The following C11orf24 variants were observed in gnomAD, a reference collection of about 807,000 sequenced individuals.
The protein encoded by C11orf24 is uncharacterized protein C11orf24.
A neutral mutation model predicts 7.3 loss-of-function variants in C11orf24; 5 were observed. The observed-to-expected ratio is 0.69, with a 90% confidence interval of 0.36 to 1.45. The LOEUF (loss-of-function observed/expected upper bound fraction) is 1.45, where lower values mean the gene tolerates loss of function less well. C11orf24 is among the 40% of genes most tolerant of loss of function. The pLI is 0.03. For synonymous variants in C11orf24, 233 were observed against 235.7 expected (o/e 0.99, Z 0.11); for missense variants, 566 against 590.5 (o/e 0.96, Z 0.43).
intron 2 of C11orf24, among the ~76,000 whole-genome samples, chr11:68,264,617 TCCATCCAC>T (rs2098563906): frequency 5.0e-5 from 7 of 138,978 alleles, no homozygotes; most frequent in Non-Finnish European, 7.8e-5. Flanking sequence ...CATCCATCCA[TCCATCCAC>T]CCATCCATCC....
chr11:68,270,726 C>G (rs914943460), intron 1 of C11orf24, among the ~76,000 whole-genome samples: 1 of 152,110 alleles, frequency 6.6e-6, no homozygotes, highest in African/African-American at 2.4e-5. Context: ...CTCACTCAGC[C>G]GCAACATGGC....
At chr11:68,269,547 T>C (rs912308677) in intron 1 of C11orf24, among the ~76,000 whole-genome samples, 1 of 152,212 alleles carries the variant, frequency 6.6e-6, no homozygotes, top group Non-Finnish European at 1.5e-5. Context: ...CACACATACA[T>C]GCACTTAGTC....
chr11:68,261,531 T>G lies in C11orf24; in HGVS notation c.*114A>C. On this transcript the variant is annotated 3_prime_UTR_variant, in exon 4 of 4. Transcript: ENST00000304271. ...GACAGCAATTAAATGTGTTTAAGCATCTGGCATATCTCCTCAATTGCACCA... is the reference window on the plus strand; with the variant it reads ...GACAGCAATTAAATGTGTTTAAGCAGCTGGCATATCTCCTCAATTGCACCA... 1 of 823,860 alleles carries G rather than the reference T, an allele frequency of 1.2e-6. No individual in the cohort carries two copies. Among genetic ancestry groups the G allele is most frequent in the Non-Finnish European group, 1.9e-6 (1 of 520,960 alleles). The allele number at this position is 823,860 out of a possible 1,614,324, so 51.0% of individuals were successfully genotyped here.
chr11:68,262,662 G>A lies in C11orf24; in HGVS notation c.333C>T (p.Ala111=). The change falls in exon 4 of 4, where the codon GCC becomes GCT. Residue 111 remains alanine, a synonymous_variant. Transcript: ENST00000304271. ...TAATGGAGGCCGCAGTCGTACTGGA[G>A]GCCACAGCCGTGGGAGCAATGGAGG... ...GVTSIAPTAV[A]SSTTAASITT... 1 of 1,614,110 alleles carries A rather than the reference G, an allele frequency of 6.2e-7. No individual in the cohort carries two copies. The highest frequency in any genetic ancestry group is 1.3e-5 in the African/African-American group (1 of 75,028).
At chr11:68,268,956 G>A (rs941163327) in intron 1 of C11orf24, among the ~76,000 whole-genome samples, 6 of 152,082 alleles carry the variant, frequency 3.9e-5, no homozygotes, top group African/African-American at 1.4e-4. Flanking sequence ...AAATGAACAC[G>A]GCAGGTTACA....
rs1277661593 is a variant in C11orf24, at chr11:68,261,720, A to G, written c.1275T>C (p.Tyr425=). The change falls in exon 4 of 4, where the codon TAT becomes TAC. Residue 425 remains tyrosine, a synonymous_variant. Transcript: ENST00000304271. ...TGTAGTCCTTCTTCTTGTAGCTCTC[A>G]TAGGCCTGCAGGGCAAACAAAACCA... is the stretch of plus-strand genomic sequence containing the variant. ...TVLVLFALQA[Y]ESYKKKDYTQ... 8 of 1,614,006 alleles carry G rather than the reference A, an allele frequency of 5.0e-6. No individual in the cohort carries two copies. Among genetic ancestry groups the G allele is most frequent in the South Asian group, 1.1e-5 (1 of 91,084 alleles).
chr11:68,263,438 A>C, intron 3 of C11orf24: 1 of 532,412 alleles, frequency 1.9e-6, no homozygotes, highest in Non-Finnish European at 3.3e-6. Context: ...GATTCAATTT[A>C]GAGATGACAT....
At chr11:68,263,587 G>T in intron 3 of C11orf24, 105 bp downstream of exon 3, 2 of 1,066,224 alleles carry the variant, frequency 1.9e-6, no homozygotes, top group Admixed American at 4.1e-5. Flanking sequence ...GAGGGCTGCG[G>T]TTCCTGACGC....
intron 3 of C11orf24, 46 bp from the exon 4 acceptor site, chr11:68,262,964 C>T: frequency 6.4e-7 from 1 of 1,567,032 alleles, no homozygotes; most frequent in Non-Finnish European, 8.7e-7. Context: ...CATGTTCAAT[C>T]CTGCACAGGG....
At chr11:68,269,846 A>G (rs624210) in intron 1 of C11orf24, among the ~76,000 whole-genome samples, 60,969 of 152,230 alleles carry the variant, frequency 0.4, 12,510 homozygotes, top group Non-Finnish European at 0.44. Context: ...ACAGGCCTTC[A>G]TTGTCCTATG....
intron 1 of C11orf24, among the ~76,000 whole-genome samples, chr11:68,269,337 G>A (rs929725128): frequency 6.6e-6 from 1 of 152,204 alleles, no homozygotes; most frequent in African/African-American, 2.4e-5. Flanking sequence ...AAACTTCGGA[G>A]GAATCCAGGA....
intron 1 of C11orf24, among the ~76,000 whole-genome samples, chr11:68,269,780 G>A (rs1040725143): frequency 1.3e-5 from 2 of 152,212 alleles, no homozygotes; most frequent in African/African-American, 2.4e-5. Flanking sequence ...CCTCCCAGCC[G>A]GTGGGGCTGG....
chr11:68,263,038 CG>C (rs1372700792), intron 3 of C11orf24, 120 bp from the exon 4 acceptor site: 15 of 778,160 alleles, frequency 1.9e-5, no homozygotes, highest in Non-Finnish European at 2.9e-5. Context: ...CAGCCAGAGT[CG>C]GGGGAGGTGA....
rs1228439491 is a variant in C11orf24, at chr11:68,262,303, G to C, written c.692C>G (p.Pro231Arg). Residue 231 changes from proline to arginine, a missense_variant, in exon 4 of 4, where the codon CCA (proline) becomes CGA (arginine). Transcript: ENST00000304271. ...ANTSSPMSTRPSPSKHMPSDT... is the reference protein window; with the variant it reads ...ANTSSPMSTRRSPSKHMPSDT... ...ACTGGGCATGTGCTTGGAAGGACTTGGACGAGTGCTCATGGGGCTGCTTGT... is the reference window on the plus strand; with the variant it reads ...ACTGGGCATGTGCTTGGAAGGACTTCGACGAGTGCTCATGGGGCTGCTTGT... 1.2e-6 allele frequency: 2 copies of C among 1,613,738 alleles called. No individual in the cohort carries two copies. Among genetic ancestry groups the C allele is most frequent in the Admixed American group, 1.7e-5 (1 of 60,020 alleles).
chr11:68,263,630 G>A, intron 3 of C11orf24, 62 bp downstream of exon 3: 1 of 1,488,274 alleles, frequency 6.7e-7, no homozygotes, highest in East Asian at 2.3e-5. Context: ...TGCTTTCAAG[G>A]GCTCAGCATG....
Position 68,262,589 on chromosome 11 carries a change from C to T in C11orf24, c.406G>A (p.Ala136Thr), listed in dbSNP as rs756509136. ...GAGGCCACAGTTGTACTGGAGGCTG[C>T]AGTCGTGGGAGCACTGGAGGCCACA... ...MTVASSAPTTAASSTTVASIA... is the reference protein window; with the variant it reads ...MTVASSAPTTTASSTTVASIA... Residue 136 changes from alanine (A) to threonine (T), a missense_variant, in exon 4 of 4, where the codon GCA (alanine) becomes ACA (threonine). Physicochemically the swap from Ala to Thr is moderately conservative, Grantham distance 58. Coordinates refer to ENST00000304271, the MANE Select transcript of C11orf24 (RefSeq NM_022338.4). 2.5e-6 allele frequency: 4 copies of T among 1,613,742 alleles called. No individual in the cohort carries two copies. In the South Asian group the frequency reaches 4.4e-5, roughly 18 times the overall value.
rs564946317 is a variant in C11orf24 at position 68,271,973 on chromosome 11, T to C, written c.-414A>G. 3.3e-5 allele frequency: 5 copies of C among 152,176 alleles called. No homozygotes were observed. The highest frequency in any genetic ancestry group is 4.2e-4 in the South Asian group (2 of 4,816). 9.4% of individuals were successfully genotyped at this position (152,176 alleles called of 1,614,324 possible). A position where few individuals can be genotyped will look rare whatever the true frequency, so the allele number is the denominator to read the frequency against. On this transcript the variant is annotated 5_prime_UTR_variant, in exon 1 of 4. Transcript: ENST00000304271. Reference sequence around the variant, plus strand: ...CCAGGCAGCTCCGGGCAGCGCGCCCTGCCCGGGCCCCGCCCAAACGCCGGA... The same window carrying C: ...CCAGGCAGCTCCGGGCAGCGCGCCCCGCCCGGGCCCCGCCCAAACGCCGGA...
chr11:68,265,836 G>A (rs2098564816), intron 2 of C11orf24, among the ~76,000 whole-genome samples: 1 of 152,174 alleles, frequency 6.6e-6, no homozygotes, highest in Non-Finnish European at 1.5e-5. Flanking sequence ...TGTTTTGTTA[G>A]ATAAAATAAT....
chr11:68,263,383 C>A, intron 3 of C11orf24: 1 of 458,300 alleles, frequency 2.2e-6, no homozygotes, highest in South Asian at 3.4e-5. Flanking sequence ...AGAGTGGGAA[C>A]GCAGTTAAAG....
Sources: gnomAD v4.1 joint callset for allele counts (sites outside exome capture counted in the v4.1 genomes callset) on GRCh38, gnomAD v4.1.1 for gene constraint, MANE v1.5 for transcripts, NCBI Gene and HGNC (gene_info 2026-07-23, HGNC 2026-07-21) for gene names.